The following SLC26A11 variants were observed in gnomAD, a reference collection of about 807,000 sequenced individuals.
The protein encoded by SLC26A11 is solute carrier family 26 member 11.
A neutral mutation model predicts 62.2 loss-of-function variants in SLC26A11; 58 were observed. That is an observed-to-expected ratio of 0.93 (90% CI 0.76 to 1.16). The LOEUF is 1.16. SLC26A11 is among the 50% of genes most tolerant of loss of function. The pLI, the probability that SLC26A11 is intolerant of heterozygous loss-of-function variation, is 0.00. For synonymous variants in SLC26A11, 411 were observed against 368.9 expected (o/e 1.11, Z -1.31); for missense variants, 790 against 794.3 (o/e 0.99, Z 0.06).
Position 80,223,921 on chromosome 17 carries a change from CCTT to C in SLC26A11, c.513+587_513+589del, listed in dbSNP as rs1314232264. 2.6e-5 allele frequency among the ~76,000 whole-genome samples: 4 copies of C among 152,156 alleles called. No individual in the cohort carries two copies. Among genetic ancestry groups the C allele is most frequent in the Non-Finnish European group, 5.9e-5 (4 of 68,028 alleles). ...TAAGTTCCTCGAGGGTAGGAACTGTCCTTCTCCCAGCCATGGCCGCCCAGCATT... is the reference window on the plus strand; with the variant it reads ...TAAGTTCCTCGAGGGTAGGAACTGTCCTCCCAGCCATGGCCGCCCAGCATT... On this transcript the variant is annotated intron_variant, in intron 5 of 17. Transcript: ENST00000361193. This position sits in a 1 kb window ranked among gnomAD's most constrained non-coding sequence, Gnocchi z 4.6.
At chr17:80,234,852 C>CTT (rs558869151) in intron 7 of SLC26A11, among the ~76,000 whole-genome samples, 3 of 135,970 alleles carry the variant, frequency 2.2e-5, no homozygotes, top group Admixed American at 7.4e-5. Flanking sequence ...CTTTTTTTTT[C>CTT]TTTTTTTTTT....
intron 14 of SLC26A11, 97 bp downstream of exon 14, chr17:80,248,354 G>A: frequency 2.7e-6 from 4 of 1,478,852 alleles, no homozygotes; most frequent in Non-Finnish European, 2.7e-6. Context: ...GTGGTCGTGG[G>A]TGCTGCTGAA....
rs554891462 is a variant in SLC26A11 at position 80,222,851 on chromosome 17, A to T, written c.427+4A>T. ...GCCATGGGGGTCCTGCGTTTGGGTG[A>T]GGCTCTACCTTCTTGCCAAGGGGAT... On this transcript the variant is annotated splice_donor_region_variant and intron_variant, in intron 4 of 17. Transcript: ENST00000361193. This position sits in a 1 kb window ranked among gnomAD's most constrained non-coding sequence, Gnocchi z 4.7. 6.2e-7 allele frequency: 1 copy of T among 1,613,112 alleles called. No homozygotes were observed. The highest frequency in any genetic ancestry group is 1.3e-5 in the African/African-American group (1 of 74,948).
rs776200009 is a variant in SLC26A11, at chr17:80,248,588, C to T, written c.1436C>T (p.Pro479Leu). 14 of 1,583,540 alleles carry T rather than the reference C, an allele frequency of 8.8e-6. No individual in the cohort carries two copies. The highest frequency in any genetic ancestry group is 1.7e-4 in the Middle Eastern group (1 of 5,906). ...TCCTCCCCACAGGTGTCAGAGGGGC[C>T]GGTTCTGGTCCTGCAGCCGGCCAGC... ...ARPETKVSEG[P>L]VLVLQPASGL... The change falls in exon 15 of 18, where the codon CCG (proline) becomes CTG (leucine). Residue 479 changes from proline (P) to leucine (L), a missense_variant. Transcript: ENST00000361193.
At position 80,223,369 on chromosome 17, in the gene SLC26A11, T is replaced by C. The variant is rs1359869719; in HGVS notation, c.513+32T>C. The C allele has an allele frequency of 1.2e-6, 2 of 1,604,972 alleles. No homozygotes were observed. The highest frequency in any genetic ancestry group is 4.5e-5 in the East Asian group (2 of 44,788). On this transcript the variant is annotated intron_variant, in intron 5 of 17. Transcript: ENST00000361193. The surrounding 1 kb of genome is among the most constrained non-coding windows in gnomAD (Gnocchi z 4.6). ...ACGGCGCCCACCCAGGGCACTGCTC[T>C]TTGGCCACTGCTCGTTGGCACAGGG... is the stretch of plus-strand genomic sequence containing the variant.
At chr17:80,225,570 A>G (rs2042385405) in intron 5 of SLC26A11, 1 of 409,896 alleles carries the variant, frequency 2.4e-6, no homozygotes, top group African/African-American at 2.0e-5. Context: ...GTTTTTTATG[A>G]GAAAAGTAAT....
chr17:80,252,386 C>T lies in SLC26A11; in HGVS notation c.1730-239C>T, dbSNP rs748278634. ...GTGGATAAGCAGAATGTGGCCTGGC[C>T]GTGGGATGGGAGGGTACCCTGGAGC... On this transcript the variant is annotated intron_variant, in intron 17 of 17. Transcript: ENST00000361193. The surrounding 1 kb of genome is among the most constrained non-coding windows in gnomAD (Gnocchi z 5.2). 3.3e-5 allele frequency among the ~76,000 whole-genome samples: 5 copies of T among 151,962 alleles called. No homozygotes were observed. Among genetic ancestry groups the T allele is most frequent in the African/African-American group, 4.8e-5 (2 of 41,352 alleles).
Position 80,222,751 on chromosome 17 carries a change from C to G in SLC26A11, c.331C>G (p.Leu111Val), listed in dbSNP as rs1055185344. 6.2e-7 allele frequency: 1 copy of G among 1,614,086 alleles called. No individual in the cohort carries two copies. Among genetic ancestry groups the G allele is most frequent in the Non-Finnish European group, 8.5e-7 (1 of 1,180,040 alleles). Residue 111 changes from leucine to valine, a missense_variant, in exon 4 of 18, where the codon CTG becomes GTG. By Grantham distance (32) the Leu-to-Val change is conservative. Transcript: ENST00000361193. This position sits in a 1 kb window ranked among gnomAD's most constrained non-coding sequence, Gnocchi z 4.7. ...GGGCCCCACCGCCATTATGTCCCTC[C>G]TGGTCTCCTTCTACACCTTCCATGA... ...TLGPTAIMSL[L>V]VSFYTFHEPA...
Position 80,248,254 on chromosome 17 carries a change from C to G in SLC26A11, c.1419C>G (p.Thr473=), listed in dbSNP as rs1319356092. The part of the protein sequence containing the change: ...MLLHSAARPE[T]KVSEGPVLVL... Reference sequence around the variant, plus strand: ...TGCACTCTGCAGCCAGGCCTGAGACCAAGGTACCCCTCCGTGGCCTCTGAG... The same window carrying G: ...TGCACTCTGCAGCCAGGCCTGAGACGAAGGTACCCCTCCGTGGCCTCTGAG... The change falls in exon 14 of 18, where the codon ACC becomes ACG. Residue 473 remains threonine, a synonymous_variant. Coordinates refer to ENST00000361193, the MANE Select transcript of SLC26A11 (RefSeq NM_001166347.2). 4.4e-6 allele frequency: 7 copies of G among 1,607,892 alleles called. No homozygotes were observed. The highest frequency in any genetic ancestry group is 1.3e-5 in the African/African-American group (1 of 74,992).
At chr17:80,235,480 C>A (rs771073088) in intron 7 of SLC26A11, among the ~76,000 whole-genome samples, 3 of 152,160 alleles carry the variant, frequency 2.0e-5, no homozygotes, top group African/African-American at 2.4e-5. Flanking sequence ...CCTCAGCCCC[C>A]CAAGTAGCTG....
At chr17:80,243,437 G>A (rs934699044) in intron 10 of SLC26A11, among the ~76,000 whole-genome samples, 5 of 150,334 alleles carry the variant, frequency 3.3e-5, no homozygotes, top group African/African-American at 5.0e-5. Flanking sequence ...TTCCTCTGTC[G>A]CCCAGGCTGG....
chr17:80,225,761 G>C, intron 5 of SLC26A11, 76 bp from the exon 6 acceptor site: 1 of 1,281,498 alleles, frequency 7.8e-7, no homozygotes, highest in Non-Finnish European at 1.1e-6. Flanking sequence ...CCCTAGGGGA[G>C]GTGGGCGGGG....
chr17:80,252,271 G>A lies in SLC26A11; in HGVS notation c.1730-354G>A, dbSNP rs1016270452. ...CAGCTCCGTGAGAGTGAGGGGTGGC[G>A]GATGTTGTACTGACTTCCTTGGCTC... On this transcript the variant is annotated intron_variant, in intron 17 of 17. Transcript: ENST00000361193. This position sits in a 1 kb window ranked among gnomAD's most constrained non-coding sequence, Gnocchi z 5.2. Among the ~76,000 whole-genome samples the A allele has an allele frequency of 3.3e-5, 5 of 152,156 alleles. No individual in the cohort carries two copies. The highest frequency in any genetic ancestry group is 1.2e-4 in the African/African-American group (5 of 41,438).
At chr17:80,251,543 A>C (rs540484136) in intron 17 of SLC26A11, 142 bp downstream of exon 17, 1 of 1,071,886 alleles carries the variant, frequency 9.3e-7, no homozygotes, top group South Asian at 1.5e-5. Flanking sequence ...CAGGTGGATC[A>C]CCTGAGGTCA....
At position 80,252,661 on chromosome 17, in the gene SLC26A11, A is replaced by G. The variant is rs1447581072; in HGVS notation, c.1766A>G (p.Tyr589Cys). The G allele has an allele frequency of 3.6e-5, 58 of 1,614,036 alleles. No individual in the cohort carries two copies. The highest frequency in any genetic ancestry group is 4.8e-5 in the Non-Finnish European group (57 of 1,179,978). Residue 589 changes from tyrosine to cysteine, a missense_variant, in exon 18 of 18, where the codon TAC (tyrosine) becomes TGC (cysteine). Tyr to Cys is a radical substitution (Grantham distance 194). Coordinates refer to ENST00000361193, the MANE Select transcript of SLC26A11 (RefSeq NM_001166347.2). This position sits in a 1 kb window ranked among gnomAD's most constrained non-coding sequence, Gnocchi z 5.2. ...HLRQEPGTQP[Y>C]NIREDSILDQ... ...AGGCAGGAGCCAGGGACCCAGCCCT[A>G]CAACATCAGAGAAGACTCCATTCTG...
rs75441189 is a variant in SLC26A11 at position 80,239,925 on chromosome 17, G to A, written c.986-1846G>A. ...TTACAAATAAAGTCAGTTGGAGCGT[G>A]GCTGTGCCACTTGGGGATGTGCTGT... On this transcript the variant is annotated intron_variant, in intron 9 of 17. Coordinates refer to ENST00000361193, the MANE Select transcript of SLC26A11 (RefSeq NM_001166347.2). Among the ~76,000 whole-genome samples, 972 of 152,396 alleles carry A rather than the reference G, an allele frequency of 6.4e-3. 12 individuals are homozygous for A. The highest frequency in any genetic ancestry group is 0.017 in the African/African-American group (698 of 41,594).
intron 7 of SLC26A11, among the ~76,000 whole-genome samples, chr17:80,229,885 G>A (rs2042515458): frequency 6.6e-6 from 1 of 152,294 alleles, no homozygotes; most frequent in South Asian, 2.1e-4. Flanking sequence ...GCACGCCCAG[G>A]GGATTCATGG....
In SLC26A11 at chr17:80,222,307, C is replaced by T. The variant is rs1390466696; in HGVS notation, c.235-348C>T. ...AGGAGAATGGCGTGAACCCGGGAGG[C>T]GGAGCTTGCAGTGAGCCGAGACTGT... On this transcript the variant is annotated intron_variant, in intron 3 of 17. Coordinates refer to ENST00000361193, the MANE Select transcript of SLC26A11 (RefSeq NM_001166347.2). The surrounding 1 kb of genome is among the most constrained non-coding windows in gnomAD (Gnocchi z 4.7). The T allele has an allele frequency of 3.4e-5, 7 of 208,382 alleles. No individual in the cohort carries two copies. The highest frequency in any genetic ancestry group is 5.6e-5 in the Non-Finnish European group (6 of 106,306). 12.9% of individuals were successfully genotyped at this position (208,382 alleles called of 1,614,324 possible).
rs141146194 is a variant in SLC26A11 at position 80,246,166 on chromosome 17, C to T, written c.1110C>T (p.Asn370=). ...VTGSFGRTAV[N]AQSGVCTPAG... ...TGTTGCCTTCCAGGACAGCCGTGAA[C>T]GCTCAGTCGGGGGTGTGCACCCCGG... Residue 370 remains asparagine (N), a synonymous_variant, in exon 12 of 18, where the codon AAC becomes AAT. Coordinates refer to ENST00000361193, the MANE Select transcript of SLC26A11 (RefSeq NM_001166347.2). The surrounding 1 kb of genome is among the most constrained non-coding windows in gnomAD (Gnocchi z 4.4). The T allele has an allele frequency of 3.6e-4, 574 of 1,613,198 alleles. 3 individuals carry two copies. In the East Asian group the frequency reaches 8.5e-3, roughly 24 times the overall value.
Sources: gnomAD v4.1 joint callset for allele counts (sites outside exome capture counted in the v4.1 genomes callset) on GRCh38, gnomAD v4.1.1 for gene constraint, Gnocchi (gnomAD v3.1) non-coding constraint, MANE v1.5 for transcripts, NCBI Gene and HGNC (gene_info 2026-07-23, HGNC 2026-07-21) for gene names.